The following DMAC2L variants were observed in gnomAD, a reference collection of about 807,000 sequenced individuals.
DMAC2L encodes the protein distal membrane arm assembly component 2 like.
Under a neutral mutation model 22.5 loss-of-function variants are expected in DMAC2L, and 21 were observed. The ratio of observed to expected loss-of-function variants is 0.93; its 90% confidence interval spans 0.66 to 1.34. The LOEUF (loss-of-function observed/expected upper bound fraction) is 1.34, where lower values mean the gene tolerates loss of function less well. Ranked by LOEUF, DMAC2L falls within the 40% of genes most tolerant of loss-of-function variation. The pLI, the probability that DMAC2L is intolerant of heterozygous loss-of-function variation, is 0.00. For synonymous variants in DMAC2L, 86 were observed against 89.5 expected (o/e 0.96, Z 0.22); for missense variants, 239 against 246.5 (o/e 0.97, Z 0.20).
At chr14:50,314,800 C>A (rs1431831275) in intron 2 of DMAC2L, among the ~76,000 whole-genome samples, 174 bp downstream of exon 2, 2 of 151,972 alleles carry the variant, frequency 1.3e-5, no homozygotes, top group Non-Finnish European at 2.9e-5. Flanking sequence ...TGCCACCACG[C>A]CCGGCAAACT....
At chr14:50,313,786 A>G (rs1282900766) in intron 1 of DMAC2L, among the ~76,000 whole-genome samples, 1 of 152,186 alleles carries the variant, frequency 6.6e-6, no homozygotes, top group Non-Finnish European at 1.5e-5. Context: ...CTATATGGTT[A>G]TCAGGTGTGT....
At position 50,312,356 on chromosome 14, in the gene DMAC2L, C is replaced by T. The variant is rs2031293404; in HGVS notation, c.-75C>T. The stretch of plus-strand genomic sequence containing the variant: ...CCAGGGTGCCGCAGACGCGGGGACG[C>T]TGGCTCGCTCCCTCCCTCCCTCCCT... On this transcript the variant is annotated 5_prime_UTR_variant, in exon 1 of 6. Coordinates refer to ENST00000557421, the MANE Select transcript of DMAC2L (RefSeq NM_001382507.1). 5 of 669,630 alleles carry T rather than the reference C, an allele frequency of 7.5e-6. No individual in the cohort carries two copies. The highest frequency in any genetic ancestry group is 1.9e-5 in the South Asian group (1 of 53,682). 41.5% of individuals were successfully genotyped at this position (669,630 alleles called of 1,614,324 possible). A position where few individuals can be genotyped will look rare whatever the true frequency, so the allele number is the denominator to read the frequency against.
intron 2 of DMAC2L, chr14:50,318,849 A>G (rs753166494): frequency 5.4e-6 from 1 of 186,784 alleles, no homozygotes; most frequent in Non-Finnish European, 1.0e-5. Context: ...GTTGGGTGTT[A>G]TTTATCTCTT....
At chr14:50,312,321 G>A (rs1217863093), upstream of DMAC2L, 1 of 946,738 alleles carries the variant, frequency 1.1e-6, no homozygotes, top group Non-Finnish European at 1.6e-6. Flanking sequence ...GTCGGAGGGC[G>A]AAGGGCCGGC....
intron 1 of DMAC2L, 22 bp downstream of exon 1, chr14:50,312,411 C>T (rs1378172509): frequency 1.8e-6 from 1 of 561,700 alleles, no homozygotes; most frequent in Non-Finnish European, 3.2e-6. Flanking sequence ...AGCTAGGCCC[C>T]GAGCCGGGCG....
chr14:50,315,613 G>C (rs1483679593), intron 2 of DMAC2L, among the ~76,000 whole-genome samples: 2 of 137,820 alleles, frequency 1.5e-5, no homozygotes, highest in Non-Finnish European at 3.0e-5. Flanking sequence ...AGTGAGCTGA[G>C]ACTGCGCCAC....
chr14:50,314,598 G>A lies in DMAC2L; in HGVS notation c.-34G>A, dbSNP rs1271607093. On this transcript the variant is annotated 5_prime_UTR_variant, in exon 2 of 6. Transcript: ENST00000557421. ...CTGTTTTTGTTTCTCTAGGATAAGT[G>A]CCCAAGAGTACAATTGCTGGGTCAT... The A allele has an allele frequency of 2.2e-6, 1 of 455,458 alleles. No homozygotes were observed. The highest frequency in any genetic ancestry group is 2.3e-5 in the Admixed American group (1 of 42,558). The allele number at this position is 455,458 out of a possible 1,614,324, so 28.2% of individuals were successfully genotyped here.
upstream of DMAC2L, chr14:50,311,994 G>C (rs775212318): frequency 6.4e-5 from 100 of 1,553,274 alleles, no homozygotes; most frequent in Non-Finnish European, 8.2e-5. Context: ...CGGCGGGGAG[G>C]ACCAGCGGCC....
At chr14:50,314,746 A>G (rs542410180) in intron 2 of DMAC2L, 120 bp downstream of exon 2, 44 of 409,966 alleles carry the variant, frequency 1.1e-4, no homozygotes, top group South Asian at 6.5e-4. Context: ...GTCTCAAGCA[A>G]TTCTCCTGCC....
chr14:50,325,021 G>A (rs900243051), intron 5 of DMAC2L, among the ~76,000 whole-genome samples: 4 of 152,286 alleles, frequency 2.6e-5, no homozygotes, highest in African/African-American at 7.2e-5. Context: ...TGATCCGCCC[G>A]CCTCGGCCTC....
chr14:50,316,945 A>T (rs2031854630), intron 2 of DMAC2L, among the ~76,000 whole-genome samples: 1 of 152,076 alleles, frequency 6.6e-6, no homozygotes, highest in South Asian at 2.1e-4. Flanking sequence ...TGGTATTTTT[A>T]TGGGAATTGT....
chr14:50,316,911 T>A (rs887285955), intron 2 of DMAC2L, among the ~76,000 whole-genome samples: 1 of 152,214 alleles, frequency 6.6e-6, no homozygotes, highest in Non-Finnish European at 1.5e-5. Context: ...TTAGGATTGT[T>A]TTTTCTAGTT....
At chr14:50,324,290 C>A in intron 5 of DMAC2L, 174 bp downstream of exon 5, 1 of 530,836 alleles carries the variant, frequency 1.9e-6, no homozygotes, top group Non-Finnish European at 3.0e-6. Flanking sequence ...AACCTTAATA[C>A]ATTAATGTTG....
At chr14:50,315,665 A>G (rs1467206719) in intron 2 of DMAC2L, among the ~76,000 whole-genome samples, 1 of 26,758 alleles carries the variant, frequency 3.7e-5, no homozygotes, top group South Asian at 9.2e-4. Flanking sequence ...TGTTTCACAA[A>G]AAAAAAAAAA....
At chr14:50,318,670 C>T (rs1331053194) in intron 2 of DMAC2L, among the ~76,000 whole-genome samples, 7 of 152,092 alleles carry the variant, frequency 4.6e-5, no homozygotes, top group East Asian at 3.9e-4. Flanking sequence ...ACTCTTTTTT[C>T]GTTCTAACTG....
chr14:50,311,882 G>A, upstream of DMAC2L: 1 of 1,261,754 alleles, frequency 7.9e-7, no homozygotes, highest in Middle Eastern at 2.7e-4. Flanking sequence ...TCCGAGGTTG[G>A]AGTGCCACAG....
At chr14:50,314,512 A>G (rs1358556893) in intron 1 of DMAC2L, 79 bp from the exon 2 acceptor site, 6 of 455,482 alleles carry the variant, frequency 1.3e-5, no homozygotes, top group Non-Finnish European at 2.6e-5. Flanking sequence ...AGTTGTTTCT[A>G]GTTTTTAGCT....
chr14:50,319,392 C>T (rs1330636622), intron 2 of DMAC2L: 15 of 1,505,416 alleles, frequency 1.0e-5, no homozygotes, highest in Admixed American at 4.0e-5. Flanking sequence ...GTTTCCCTCT[C>T]AGGCATCTTT....
chr14:50,314,503 G>A, intron 1 of DMAC2L, 88 bp from the exon 2 acceptor site: 1 of 455,530 alleles, frequency 2.2e-6, no homozygotes, highest in South Asian at 1.5e-5. Context: ...GGACATTTGA[G>A]TTGTTTCTAG....
Sources: gnomAD v4.1 joint callset for allele counts (sites outside exome capture counted in the v4.1 genomes callset) on GRCh38, gnomAD v4.1.1 for gene constraint, MANE v1.5 for transcripts, NCBI Gene and HGNC (gene_info 2026-07-23, HGNC 2026-07-21) for gene names.